SFXN5: variants seen among roughly 807,000 people sequenced by gnomAD.
SFXN5 encodes the protein sideroflexin-5.
In SFXN5, 43 loss-of-function variants were observed where a neutral mutation model predicts 50.2. The observed-to-expected ratio is 0.86, with a 90% CI of 0.67 to 1.11. The LOEUF (loss-of-function observed/expected upper bound fraction) is 1.11, where lower values mean the gene tolerates loss of function less well. Ranked by LOEUF, SFXN5 falls within the 50% of genes least tolerant of loss-of-function variation. SFXN5 has a pLI of 0.00. For synonymous variants in SFXN5, 203 were observed against 185.8 expected (o/e 1.09, Z -0.75); for missense variants, 463 against 454.1 (o/e 1.02, Z -0.18).
chr2:73,024,580 G>A (rs1024436295), intron 3 of SFXN5, among the ~76,000 whole-genome samples: 2 of 152,230 alleles, frequency 1.3e-5, no homozygotes, highest in African/African-American at 4.8e-5. Flanking sequence ...CTTGTGCCCA[G>A]GAGGTAGAGG....
chr2:73,021,473 G>GA (rs773822287), intron 5 of SFXN5, among the ~76,000 whole-genome samples: 2 of 152,168 alleles, frequency 1.3e-5, no homozygotes, highest in Non-Finnish European at 2.9e-5. Context: ...AAAAGAGGGA[G>GA]ACTCTGTCTC....
chr2:73,062,570 A>G (rs1263287677), intron 1 of SFXN5, among the ~76,000 whole-genome samples: 2 of 152,130 alleles, frequency 1.3e-5, no homozygotes, highest in African/African-American at 2.4e-5. Flanking sequence ...TTTCGACCAT[A>G]GCTACTGGGG....
chr2:72,990,906 G>A (rs1485493421), intron 9 of SFXN5, among the ~76,000 whole-genome samples: 1 of 152,210 alleles, frequency 6.6e-6, no homozygotes, highest in African/African-American at 2.4e-5. Flanking sequence ...GTGGAAAACA[G>A]AAGGCAGCTC....
At chr2:72,985,374 T>A (rs1671786815) in intron 10 of SFXN5, among the ~76,000 whole-genome samples, 1 of 151,844 alleles carries the variant, frequency 6.6e-6, no homozygotes, top group Non-Finnish European at 1.5e-5. Context: ...TACCTGGGGA[T>A]AAGGTGAAGA....
Position 73,047,219 on chromosome 2 carries a change from T to TAAAA in SFXN5, c.172-6292_172-6289dup, listed in dbSNP as rs748772614. The stretch of plus-strand genomic sequence containing the variant: ...GGTGACAGAGTGAGACTCCATCTCG[T>TAAAA]AAAAAAAAAAAAAAAAAAAAAAAAA... On this transcript the variant is annotated intron_variant, in intron 2 of 13. Transcript: ENST00000272433. Among the ~76,000 whole-genome samples the TAAAA allele has an allele frequency of 1.1e-4, 3 of 27,522 alleles. 1 individual carries two copies. The highest frequency in any genetic ancestry group is 2.2e-4 in the Non-Finnish European group (3 of 13,648). The allele number at this position is 27,522 out of a possible 152,430, so 18.1% of individuals were successfully genotyped here.
chr2:72,976,052 A>G (rs189141563), intron 10 of SFXN5, among the ~76,000 whole-genome samples: 4 of 152,334 alleles, frequency 2.6e-5, no homozygotes, highest in Admixed American at 2.6e-4. Flanking sequence ...AAAGCTACTG[A>G]GTATGTACAT....
chr2:72,974,941 A>G (rs1448352368), intron 10 of SFXN5, among the ~76,000 whole-genome samples: 2 of 152,086 alleles, frequency 1.3e-5, no homozygotes, highest in Non-Finnish European at 2.9e-5. Flanking sequence ...AGCAAGATCT[A>G]TTATTGATGG....
Position 72,981,931 on chromosome 2 carries a change from T to C in SFXN5, c.625+6327A>G, listed in dbSNP as rs1014154822. On this transcript the variant is annotated intron_variant, in intron 10 of 13. Coordinates refer to ENST00000272433, the MANE Select transcript of SFXN5 (RefSeq NM_144579.3). ...AGAGATTATCGAATGGGTTTCATCC[T>C]CTATAAAACTTTATTGCCCTTATCA... 3.9e-5 allele frequency among the ~76,000 whole-genome samples: 6 copies of C among 152,108 alleles called. No individual in the cohort carries two copies. In the East Asian group the frequency reaches 7.7e-4, roughly 20 times the overall value.
At chr2:73,005,654 T>C (rs1260680360) in intron 6 of SFXN5, among the ~76,000 whole-genome samples, 1 of 152,176 alleles carries the variant, frequency 6.6e-6, no homozygotes, top group East Asian at 1.9e-4. Context: ...CTGAGCTCCA[T>C]AGTCAGCATT....
intron 10 of SFXN5, among the ~76,000 whole-genome samples, chr2:72,982,813 G>T (rs1345561016): frequency 6.6e-6 from 1 of 152,220 alleles, no homozygotes; most frequent in Non-Finnish European, 1.5e-5. Context: ...ACATGCAAAG[G>T]CCTGGGGCCC....
intron 1 of SFXN5, chr2:73,071,392 A>G (rs1292713875): frequency 1.8e-6 from 1 of 548,222 alleles, no homozygotes; most frequent in Non-Finnish European, 3.2e-6. Flanking sequence ...TGACGGCGCC[A>G]AGGGCCAATA....
At chr2:72,964,644 T>G (rs1329390216) in intron 12 of SFXN5, among the ~76,000 whole-genome samples, 1 of 152,238 alleles carries the variant, frequency 6.6e-6, no homozygotes, top group Admixed American at 6.5e-5. Context: ...CATGTGAGAT[T>G]AGCAAGCCTT....
At chr2:73,071,571 C>A in intron 1 of SFXN5, 33 bp downstream of exon 1, 1 of 1,599,446 alleles carries the variant, frequency 6.3e-7, no homozygotes, top group African/African-American at 1.3e-5. Flanking sequence ...TCTTTGCCAC[C>A]CGCCGGCCCG....
chr2:73,050,388 G>GCGCGCACACACACACACACA, intron 2 of SFXN5, among the ~76,000 whole-genome samples: 2,561 of 143,830 alleles, frequency 0.018, 31 homozygotes, highest in Admixed American at 0.028. Flanking sequence ...CAGCCACAGC[G>GCGCGCACACACACACACACA]CACGCACACA....
chr2:73,031,594 C>T (rs1430563370), intron 3 of SFXN5, among the ~76,000 whole-genome samples: 1 of 152,134 alleles, frequency 6.6e-6, no homozygotes, highest in African/African-American at 2.4e-5. Context: ...GAAAGATTTC[C>T]AGGGAAGAAA....
chr2:72,985,318 G>A (rs894716729), intron 10 of SFXN5, among the ~76,000 whole-genome samples: 1 of 152,122 alleles, frequency 6.6e-6, no homozygotes, highest in African/African-American at 2.4e-5. Flanking sequence ...GCAGGACCTA[G>A]GCCCTGCCAG....
Position 72,950,721 on chromosome 2 carries a change from A to AAGT in SFXN5, c.946-5625_946-5623dup, listed in dbSNP as rs1382053071. 2.0e-5 allele frequency among the ~76,000 whole-genome samples: 3 copies of AAGT among 152,222 alleles called. No homozygotes were observed. Among genetic ancestry groups the AAGT allele is most frequent in the Non-Finnish European group, 4.4e-5 (3 of 68,042 alleles). On this transcript the variant is annotated intron_variant, in intron 13 of 13. Coordinates refer to ENST00000272433, the MANE Select transcript of SFXN5 (RefSeq NM_144579.3). This position sits in a 1 kb window ranked among gnomAD's most constrained non-coding sequence, Gnocchi z 4.2. ...GGCAGTGGCCTCTGGACCCATGGAT[A>AAGT]AGTGAAAGTGACTCAGGTCTGAGCA...
At chr2:72,957,956 A>C (rs1430995525) in intron 13 of SFXN5, among the ~76,000 whole-genome samples, 1 of 152,222 alleles carries the variant, frequency 6.6e-6, no homozygotes, top group Non-Finnish European at 1.5e-5. Flanking sequence ...CTTGGATTGC[A>C]ATAAGAGGGA....
At chr2:73,023,100 G>A in intron 4 of SFXN5, 88 bp downstream of exon 4, 6 of 1,357,100 alleles carry the variant, frequency 4.4e-6, no homozygotes, top group Admixed American at 2.1e-5. Context: ...AGCCACCGGA[G>A]GGGGGCTTCC....
Sources: gnomAD v4.1 joint callset for allele counts (sites outside exome capture counted in the v4.1 genomes callset) on GRCh38, gnomAD v4.1.1 for gene constraint, Gnocchi (gnomAD v3.1) non-coding constraint, MANE v1.5 for transcripts, NCBI Gene and HGNC (gene_info 2026-07-23, HGNC 2026-07-21) for gene names.